The following PRKCA variants were observed in gnomAD, a reference collection of about 807,000 sequenced individuals.
PRKCA encodes protein kinase C alpha type.
PRKCA carries 27 observed loss-of-function variants against 87.0 expected under a neutral mutation model. That is an observed-to-expected ratio of 0.31 (90% CI 0.23 to 0.43). The LOEUF (loss-of-function observed/expected upper bound fraction) is 0.43, where lower values mean the gene tolerates loss of function less well. PRKCA is among the 20% of genes least tolerant of loss of function. PRKCA has a pLI of 1.00. For synonymous variants in PRKCA, 329 were observed against 311.1 expected, an observed-to-expected ratio of 1.06 and a Z score of -0.61; for missense variants, 518 against 852.3, an observed-to-expected ratio of 0.61 and a Z score of 4.88.
chr17:66,460,096 C>T (rs61645258), intron 2 of PRKCA, among the ~76,000 whole-genome samples: 2,238 of 152,254 alleles, frequency 0.015, 50 homozygotes, highest in African/African-American at 0.051. Context: ...AATAGGAAGC[C>T]CACAGAGTTG....
At chr17:66,634,362 G>A (rs1188117161) in intron 3 of PRKCA, among the ~76,000 whole-genome samples, 1 of 152,174 alleles carries the variant, frequency 6.6e-6, no homozygotes, top group Non-Finnish European at 1.5e-5. Context: ...ATAATATAAT[G>A]TCAGGCTTGT....
Position 66,360,598 on chromosome 17 carries a change from A to G in PRKCA, c.205+54471A>G, listed in dbSNP as rs1598614943. Among the ~76,000 whole-genome samples the G allele has an allele frequency of 2.0e-5, 3 of 152,160 alleles. No individual in the cohort carries two copies. In the South Asian group the frequency reaches 6.2e-4, roughly 32 times the overall value. On this transcript the variant is annotated intron_variant, in intron 2 of 16. Coordinates refer to ENST00000413366, the MANE Select transcript of PRKCA (RefSeq NM_002737.3). Reference sequence around the variant, plus strand: ...TTGCTTGTGGCAGCTGGGAACAGGGATACTAATGAGGAAGGACAAGCTCTT... The same window carrying G: ...TTGCTTGTGGCAGCTGGGAACAGGGGTACTAATGAGGAAGGACAAGCTCTT...
At chr17:66,344,629 G>A (rs1907248711) in intron 2 of PRKCA, among the ~76,000 whole-genome samples, 1 of 152,232 alleles carries the variant, frequency 6.6e-6, no homozygotes, top group African/African-American at 2.4e-5. Context: ...TGAGGAAACT[G>A]AGGCTTAGAA....
In PRKCA at chr17:66,757,687, A is replaced by G. The variant is rs545270325; in HGVS notation, c.1524+14927A>G. ...AAAACAAAGGAAATGTGTTGCCAGT[A>G]GACCAGCCTGGCAAGAAATGTTAAA... On this transcript the variant is annotated intron_variant, in intron 13 of 16. Transcript: ENST00000413366. 2.6e-5 allele frequency among the ~76,000 whole-genome samples: 4 copies of G among 152,218 alleles called. No individual in the cohort carries two copies. The South Asian group carries it at 8.3e-4, about 32-fold the overall frequency.
At chr17:66,676,700 GGCT>G (rs1972344837) in intron 5 of PRKCA, 1 of 152,274 alleles carries the variant, frequency 6.6e-6, no homozygotes, top group African/African-American at 2.4e-5. Context: ...CTGAGGAGGA[GGCT>G]GTGAGTCATG....
intron 2 of PRKCA, among the ~76,000 whole-genome samples, chr17:66,368,338 ATGTGTGTGTGTG>A (rs10580380): frequency 1.9e-5 from 2 of 106,886 alleles, no homozygotes; most frequent in African/African-American, 7.3e-5. Flanking sequence ...GTGTGTATAT[ATGTGTGTGTGTG>A]TGTGTGTGTA....
chr17:66,726,410 C>G (rs940984278), intron 8 of PRKCA, among the ~76,000 whole-genome samples: 1 of 152,176 alleles, frequency 6.6e-6, no homozygotes, highest in Non-Finnish European at 1.5e-5. Flanking sequence ...AGACCCCTGC[C>G]CTCCCAGACT....
At chr17:66,686,719 C>A (rs950934561) in intron 5 of PRKCA, among the ~76,000 whole-genome samples, 1 of 152,156 alleles carries the variant, frequency 6.6e-6, no homozygotes, top group Non-Finnish European at 1.5e-5. Flanking sequence ...CTGGTCGCTT[C>A]CATGCAGGGA....
chr17:66,764,518 C>G (rs1893322116), intron 13 of PRKCA, among the ~76,000 whole-genome samples: 1 of 152,200 alleles, frequency 6.6e-6, no homozygotes, highest in Admixed American at 6.5e-5. Flanking sequence ...TCATTCATAT[C>G]TCACTTTTAC....
At chr17:66,544,467 G>A (rs1282243986) in intron 3 of PRKCA, among the ~76,000 whole-genome samples, 1 of 152,062 alleles carries the variant, frequency 6.6e-6, no homozygotes, top group Non-Finnish European at 1.5e-5. Flanking sequence ...CTAAAAACAA[G>A]CCTTAGTACA....
chr17:66,417,300 A>G (rs1194174945), intron 2 of PRKCA, among the ~76,000 whole-genome samples: 4 of 152,072 alleles, frequency 2.6e-5, no homozygotes, highest in African/African-American at 9.7e-5. Flanking sequence ...TTTAGGTATA[A>G]TTACAGATAC....
At chr17:66,365,453 T>C (rs1251320740) in intron 2 of PRKCA, among the ~76,000 whole-genome samples, 2 of 152,204 alleles carry the variant, frequency 1.3e-5, no homozygotes, top group African/African-American at 4.8e-5. Flanking sequence ...AATCCCCTTT[T>C]CAGAGGAAAC....
At chr17:66,505,132 A>T (rs530966013) in intron 3 of PRKCA, among the ~76,000 whole-genome samples, 1 of 152,334 alleles carries the variant, frequency 6.6e-6, no homozygotes, top group East Asian at 1.9e-4. Context: ...GGATTATTTT[A>T]TGTACCAGAT....
intron 8 of PRKCA, among the ~76,000 whole-genome samples, chr17:66,727,710 T>C (rs1017399450): frequency 3.9e-5 from 6 of 152,202 alleles, no homozygotes. Flanking sequence ...GCAGTTGAGC[T>C]GGGACCTGAA....
chr17:66,764,977 A>C (rs554517127), intron 13 of PRKCA, among the ~76,000 whole-genome samples: 1 of 152,362 alleles, frequency 6.6e-6, no homozygotes, highest in South Asian at 2.1e-4. Context: ...AGAGAACCAG[A>C]ATGGGCCATA....
chr17:66,809,478 A>G lies in PRKCA; in HGVS notation c.*5441A>G, dbSNP rs887549515. 2 of 152,486 alleles carry G rather than the reference A, an allele frequency of 1.3e-5. No homozygotes were observed. The highest frequency in any genetic ancestry group is 6.5e-5 in the Admixed American group (1 of 15,286). The allele number at this position is 152,486 out of a possible 1,614,324, so 9.4% of individuals were successfully genotyped here. A position where few individuals can be genotyped will look rare whatever the true frequency, so the allele number is the denominator to read the frequency against. ...TACTGGGCTATTTGTACTTTTTTAT[A>G]GAGAACTTTAATAATAATTCTTTAA... On this transcript the variant is annotated 3_prime_UTR_variant, in exon 17 of 17. Transcript: ENST00000413366.
intron 3 of PRKCA, among the ~76,000 whole-genome samples, chr17:66,513,386 GTTC>G (rs1205748526): frequency 6.6e-6 from 1 of 152,178 alleles, no homozygotes; most frequent in Non-Finnish European, 1.5e-5. Context: ...TAAAAGGTGT[GTTC>G]TTCTTAATCT....
At chr17:66,453,474 T>C (rs552067093) in intron 2 of PRKCA, among the ~76,000 whole-genome samples, 2 of 152,130 alleles carry the variant, frequency 1.3e-5, no homozygotes, top group East Asian at 3.9e-4. Flanking sequence ...CCCGCCACCA[T>C]GCCCAGCTAA....
chr17:66,317,139 C>T lies in PRKCA; in HGVS notation c.205+11012C>T, dbSNP rs1905364790. Among the ~76,000 whole-genome samples, 4 of 143,852 alleles carry T rather than the reference C, an allele frequency of 2.8e-5. No individual in the cohort carries two copies. In the South Asian group the frequency reaches 8.8e-4, roughly 32 times the overall value. The allele number at this position is 143,852 out of a possible 152,430, so 94.4% of individuals were successfully genotyped here. A position where few individuals can be genotyped will look rare whatever the true frequency, so the allele number is the denominator to read the frequency against. On this transcript the variant is annotated intron_variant, in intron 2 of 16. Transcript: ENST00000413366. ...CCTGGGTGACAGAGTGAGACTCTGT[C>T]TCAAAAAAAAAAAAAAAAATCAGTA...
Sources: gnomAD v4.1 joint callset for allele counts (sites outside exome capture counted in the v4.1 genomes callset) on GRCh38, gnomAD v4.1.1 for gene constraint, MANE v1.5 for transcripts, NCBI Gene and HGNC (gene_info 2026-07-23, HGNC 2026-07-21) for gene names.